Variants in CATSPERG observed in about 807,000 individuals in gnomAD.
The protein encoded by CATSPERG is cation channel sperm-associated auxiliary subunit gamma.
Under a neutral mutation model 145.0 loss-of-function variants are expected in CATSPERG, and 115 were observed. The ratio of observed to expected loss-of-function variants is 0.79; its 90% confidence interval spans 0.68 to 0.93. The LOEUF (loss-of-function observed/expected upper bound fraction) is 0.93. Ranked by LOEUF, CATSPERG falls within the 40% of genes least tolerant of loss-of-function variation. The pLI, the probability that CATSPERG is intolerant of heterozygous loss-of-function variation, is 0.00. For synonymous variants in CATSPERG, 588 were observed against 589.0 expected, an observed-to-expected ratio of 1.00 and a Z score of 0.02; for missense variants, 1,296 against 1,490.1, an observed-to-expected ratio of 0.87 and a Z score of 2.14.
chr19:38,351,375 G>C (rs192280828), intron 7 of CATSPERG, among the ~76,000 whole-genome samples: 1 of 151,454 alleles, frequency 6.6e-6, no homozygotes, highest in African/African-American at 2.4e-5. Context: ...TTGGGAGGCC[G>C]AGGTGGGCGG....
intron 19 of CATSPERG, 61 bp from the exon 20 acceptor site, chr19:38,362,653 C>T: frequency 1.3e-6 from 2 of 1,563,230 alleles, no homozygotes; most frequent in Non-Finnish European, 1.8e-6. Flanking sequence ...GCGGGGACAC[C>T]ATCGGAGGGG....
chr19:38,339,810 C>G (rs1347746897), intron 3 of CATSPERG, among the ~76,000 whole-genome samples: 2 of 151,606 alleles, frequency 1.3e-5, no homozygotes, highest in Non-Finnish European at 2.9e-5. Context: ...GAGGTCCAAG[C>G]TTTTACACGT....
intron 3 of CATSPERG, among the ~76,000 whole-genome samples, chr19:38,341,088 T>C (rs1969930577): frequency 6.6e-6 from 1 of 151,992 alleles, no homozygotes; most frequent in Non-Finnish European, 1.5e-5. Context: ...AAGAGGACTT[T>C]GTGGCTGGAG....
At chr19:38,369,901 G>C (rs928141502) in intron 26 of CATSPERG, 71 bp from the exon 27 acceptor site, 1 of 1,420,656 alleles carries the variant, frequency 7.0e-7, no homozygotes, top group African/African-American at 1.4e-5. Context: ...ACATTGGGTG[G>C]AGGAAGAAAT....
chr19:38,343,558 T>A, intron 3 of CATSPERG, 22 bp from the exon 4 acceptor site: 2 of 1,534,036 alleles, frequency 1.3e-6, no homozygotes, highest in Non-Finnish European at 1.8e-6. Context: ...AGGACACACT[T>A]GTGGGGCCAT....
intron 23 of CATSPERG, 64 bp from the exon 24 acceptor site, chr19:38,367,445 G>A (rs1046078157): frequency 2.5e-6 from 4 of 1,576,302 alleles, no homozygotes; most frequent in African/African-American, 1.4e-5. Context: ...CCCCCGTCTC[G>A]GTCCTCAGCT....
intron 5 of CATSPERG, 43 bp from the exon 6 acceptor site, chr19:38,344,253 G>T: frequency 1.3e-6 from 2 of 1,545,714 alleles, no homozygotes; most frequent in South Asian, 2.4e-5. Context: ...TGGAACCCCT[G>T]ACACTGGGAC....
intron 22 of CATSPERG, chr19:38,365,955 G>A (rs1034482432): frequency 7.3e-5 from 11 of 150,438 alleles, no homozygotes; most frequent in Non-Finnish European, 1.3e-4. Context: ...GTGATCTGCC[G>A]GCCTTGGCCT....
chr19:38,358,576 C>A lies in CATSPERG; in HGVS notation c.1496+15C>A. 1 of 1,613,986 alleles carries A rather than the reference C, an allele frequency of 6.2e-7. No homozygotes were observed. The highest frequency in any genetic ancestry group is 1.3e-5 in the African/African-American group (1 of 75,028). Reference sequence around the variant, plus strand: ...CTCCTGCAGAGGTGGGCCTCTACCACCCCTGGGTGGGCCAGGCATACTCTG... The same window carrying A: ...CTCCTGCAGAGGTGGGCCTCTACCAACCCTGGGTGGGCCAGGCATACTCTG... On this transcript the variant is annotated intron_variant, in intron 13 of 28. Transcript: ENST00000409235.
intron 8 of CATSPERG, chr19:38,352,640 C>T: frequency 1.7e-6 from 1 of 584,488 alleles, no homozygotes; most frequent in Non-Finnish European, 3.0e-6. Context: ...GGCTTCCACC[C>T]AGACCCTCCT....
intron 1 of CATSPERG, chr19:38,336,330 A>G (rs1258317588): frequency 5.3e-6 from 2 of 377,136 alleles, no homozygotes; most frequent in Admixed American, 2.7e-5. Flanking sequence ...GGGCAGGGCG[A>G]GGAGGAGGGG....
chr19:38,337,518 G>T lies in CATSPERG; in HGVS notation c.270+14G>T. ...GACCCGAGCGAGGTGAGGGGACCAG[G>T]GTCAAGTGAACCAGAGGGATTTTGA... On this transcript the variant is annotated intron_variant, in intron 2 of 28. Coordinates refer to ENST00000409235, the MANE Select transcript of CATSPERG (RefSeq NM_021185.5). 6.4e-7 allele frequency: 1 copy of T among 1,551,994 alleles called. No individual in the cohort carries two copies. The highest frequency in any genetic ancestry group is 1.2e-5 in the South Asian group (1 of 84,060).
chr19:38,352,118 G>T lies in CATSPERG; in HGVS notation c.826-143G>T, dbSNP rs140103573. 9.0e-4 allele frequency: 685 copies of T among 763,932 alleles called. 10 individuals carry two copies. In the African/African-American group the frequency reaches 0.01, roughly 11 times the overall value. 47.3% of individuals were successfully genotyped at this position (763,932 alleles called of 1,614,324 possible). On this transcript the variant is annotated intron_variant, in intron 7 of 28. Transcript: ENST00000409235. ...GAGGTTTGGCTACCAAGGTGCTGCT[G>T]CGGGGTGAGCAGGGAGAGCGCCCTG...
chr19:38,344,488 A>T, intron 6 of CATSPERG, 120 bp downstream of exon 6: 1 of 819,106 alleles, frequency 1.2e-6, no homozygotes, highest in South Asian at 1.5e-5. Context: ...CAGGCCCCAC[A>T]TGAAGATCCC....
chr19:38,362,585 G>A lies in CATSPERG; in HGVS notation c.2356+11G>A, dbSNP rs779894408. ...CGCAGTCAGAACTCGGTCTGCGCGGGACCAGAGTGGAGCCCGAAGGGCGGG... is the reference window on the plus strand; with the variant it reads ...CGCAGTCAGAACTCGGTCTGCGCGGAACCAGAGTGGAGCCCGAAGGGCGGG... On this transcript the variant is annotated intron_variant, in intron 19 of 28. Transcript: ENST00000409235. 1 of 1,613,614 alleles carries A rather than the reference G, an allele frequency of 6.2e-7. No homozygotes were observed. Among genetic ancestry groups the A allele is most frequent in the Non-Finnish European group, 8.5e-7 (1 of 1,179,834 alleles).
At chr19:38,348,653 A>T (rs892684884) in intron 7 of CATSPERG, among the ~76,000 whole-genome samples, 9 of 151,490 alleles carry the variant, frequency 5.9e-5, no homozygotes, top group Non-Finnish European at 2.9e-5. Context: ...TTGTATTTTT[A>T]GTACAGATGG....
chr19:38,350,012 C>T (rs1054478216), intron 7 of CATSPERG, among the ~76,000 whole-genome samples: 1 of 152,158 alleles, frequency 6.6e-6, no homozygotes, highest in African/African-American at 2.4e-5. Flanking sequence ...TTGTTCCTTC[C>T]ATTTTCTCTC....
intron 3 of CATSPERG, among the ~76,000 whole-genome samples, chr19:38,342,163 G>A (rs1273885349): frequency 6.6e-6 from 1 of 150,408 alleles, no homozygotes; most frequent in Non-Finnish European, 1.5e-5. Context: ...ATTGCTTGAG[G>A]CCAAGAGTTC....
rs1466306026 is a variant in CATSPERG at position 38,346,569 on chromosome 19, G to A, written c.789G>A (p.Met263Ile). 2 of 1,551,450 alleles carry A rather than the reference G, an allele frequency of 1.3e-6. No individual in the cohort carries two copies. The highest frequency in any genetic ancestry group is 1.4e-5 in the African/African-American group (1 of 73,040). Residue 263 changes from methionine (M) to isoleucine (I), a missense_variant, in exon 7 of 29, where the codon ATG becomes ATA. By Grantham distance (10) the Met-to-Ile change is conservative. Coordinates refer to ENST00000409235, the MANE Select transcript of CATSPERG (RefSeq NM_021185.5). ...TTCCCAATGAGAAGTACGTCCTGAT[G>A]ACTGACACCAGCTTCAAGGACTTCT... ...GGIPNEKYVL[M>I]TDTSFKDFSL...
Sources: gnomAD v4.1 joint callset for allele counts (sites outside exome capture counted in the v4.1 genomes callset) on GRCh38, gnomAD v4.1.1 for gene constraint, MANE v1.5 for transcripts, NCBI Gene and HGNC (gene_info 2026-07-23, HGNC 2026-07-21) for gene names.